Variants in RFTN1 observed in about 807,000 individuals in gnomAD.
RFTN1 encodes raftlin, lipid raft linker 1.
A neutral mutation model predicts 46.5 loss-of-function variants in RFTN1; 26 were observed. The ratio of observed to expected loss-of-function variants is 0.56; its 90% CI spans 0.41 to 0.78. The LOEUF is 0.78. Ranked by LOEUF, RFTN1 falls within the 30% of genes least tolerant of loss-of-function variation. The probability of loss-of-function intolerance (pLI) is 0.00; values close to 1 mark genes in which losing one functional copy is unlikely to be tolerated. For missense variants in RFTN1, 693 were observed against 718.7 expected, an observed-to-expected ratio of 0.96 and a Z score of 0.41; for synonymous variants, 261 against 284.2, an observed-to-expected ratio of 0.92 and a Z score of 0.82.
intron 4 of RFTN1, among the ~76,000 whole-genome samples, chr3:16,393,398 A>C (rs71310339): frequency 0.17 from 25,492 of 152,206 alleles, 2,407 homozygotes; most frequent in East Asian, 0.3. Flanking sequence ...TGCACATAAG[A>C]CAGAAAGTGA....
intron 6 of RFTN1, among the ~76,000 whole-genome samples, chr3:16,360,389 C>T (rs62233959): frequency 0.06 from 9,163 of 152,246 alleles, 333 homozygotes; most frequent in Middle Eastern, 0.12. Context: ...AGGCTAGTTT[C>T]GGACTGCTGG....
In RFTN1 at chr3:16,379,024, G is replaced by C. The variant is rs147308507; in HGVS notation, c.442-922C>G. Among the ~76,000 whole-genome samples, 63 of 152,302 alleles carry C rather than the reference G, an allele frequency of 4.1e-4. No individual in the cohort carries two copies. The East Asian group carries it at 0.012, about 28-fold the overall frequency. Reference sequence around the variant, plus strand: ...CCAAAGCCAGAAGGTAGCCTTTAGGGGACTTTCCAGGCAAGGATGCTTAAG... The same window carrying C: ...CCAAAGCCAGAAGGTAGCCTTTAGGCGACTTTCCAGGCAAGGATGCTTAAG... On this transcript the variant is annotated intron_variant, in intron 4 of 9. Coordinates refer to ENST00000334133, the MANE Select transcript of RFTN1 (RefSeq NM_015150.2).
At chr3:16,462,261 A>T (rs1482030052) in intron 2 of RFTN1, among the ~76,000 whole-genome samples, 1 of 152,246 alleles carries the variant, frequency 6.6e-6, no homozygotes, top group Non-Finnish European at 1.5e-5. Context: ...TGCACTTAGC[A>T]TGCTTCTTGG....
At chr3:16,357,148 AC>A (rs1401861335) in intron 7 of RFTN1, among the ~76,000 whole-genome samples, 41 of 150,888 alleles carry the variant, frequency 2.7e-4, no homozygotes, top group Admixed American at 5.3e-4. Flanking sequence ...AAACAAACAA[AC>A]AAACAAAAAA....
chr3:16,477,587 G>A (rs2076302541), intron 2 of RFTN1, among the ~76,000 whole-genome samples: 1 of 152,186 alleles, frequency 6.6e-6, no homozygotes. Context: ...ATGAATCAGG[G>A]ACATATGGGA....
chr3:16,478,773 G>A (rs1248238773), intron 2 of RFTN1, among the ~76,000 whole-genome samples: 1 of 152,184 alleles, frequency 6.6e-6, no homozygotes, highest in Non-Finnish European at 1.5e-5. Context: ...TGGGCTTAGG[G>A]CCCCAATTCC....
chr3:16,411,066 C>T (rs2125450483), intron 3 of RFTN1, among the ~76,000 whole-genome samples: 1 of 152,274 alleles, frequency 6.6e-6, no homozygotes, highest in South Asian at 2.1e-4. Flanking sequence ...GTCCAGGGCT[C>T]ATGTACACAG....
At chr3:16,386,019 A>G (rs1028984954) in intron 4 of RFTN1, among the ~76,000 whole-genome samples, 7 of 152,238 alleles carry the variant, frequency 4.6e-5, no homozygotes, top group African/African-American at 1.7e-4. Context: ...TGATAAATCA[A>G]ACTTCAAAAT....
chr3:16,323,136 T>TGC (rs1405152468), intron 9 of RFTN1, among the ~76,000 whole-genome samples: 1 of 152,086 alleles, frequency 6.6e-6, no homozygotes, highest in Non-Finnish European at 1.5e-5. Context: ...CAGAAGAGCC[T>TGC]CTCTCCTCCA....
At chr3:16,419,344 C>T (rs948609459) in intron 3 of RFTN1, among the ~76,000 whole-genome samples, 4 of 152,134 alleles carry the variant, frequency 2.6e-5, no homozygotes, top group African/African-American at 9.6e-5. Context: ...TCATGGGTGG[C>T]CTTAGAGAGA....
Position 16,351,268 on chromosome 3 carries a change from T to C in RFTN1, c.1146+6664A>G, listed in dbSNP as rs1016376451. 6.6e-6 allele frequency among the ~76,000 whole-genome samples: 1 copy of C among 152,184 alleles called. No homozygotes were observed. The highest frequency in any genetic ancestry group is 1.5e-5 in the Non-Finnish European group (1 of 68,032). ...CTGCAGCGCGCCAAGGACTGTGTCC[T>C]TGATCCAGTCTGTTTGCCATTGAGA... On this transcript the variant is annotated intron_variant, in intron 7 of 9. Coordinates refer to ENST00000334133, the MANE Select transcript of RFTN1 (RefSeq NM_015150.2). This position sits in a 1 kb window ranked among gnomAD's most constrained non-coding sequence, Gnocchi z 5.4.
intron 2 of RFTN1, among the ~76,000 whole-genome samples, chr3:16,438,001 C>T (rs1335824494): frequency 6.6e-6 from 1 of 151,860 alleles, no homozygotes; most frequent in Non-Finnish European, 1.5e-5. Context: ...AAGGCAACTG[C>T]ACGTTGTCAA....
intron 1 of RFTN1, among the ~76,000 whole-genome samples, chr3:16,508,833 TA>T (rs34035632): frequency 0.5 from 74,881 of 150,072 alleles, 18,815 homozygotes; most frequent in East Asian, 0.59. Flanking sequence ...AACTGAAGGG[TA>T]AAAAAAAAAC....
intron 2 of RFTN1, among the ~76,000 whole-genome samples, chr3:16,485,384 G>A (rs899836168): frequency 2.0e-5 from 3 of 152,040 alleles, no homozygotes; most frequent in African/African-American, 7.2e-5. Flanking sequence ...CAACAGCAAG[G>A]ACTCCATATA....
rs2075832315 is a variant in RFTN1 at position 16,452,236 on chromosome 3, G to GTTA, written c.146-18202_146-18200dup. Among the ~76,000 whole-genome samples the GTTA allele has an allele frequency of 6.6e-6, 1 of 151,958 alleles. No homozygotes were observed. Among genetic ancestry groups the GTTA allele is most frequent in the South Asian group, 2.1e-4 (1 of 4,818 alleles). Reference sequence around the variant, plus strand: ...ACTACTGTACAAACAGTGAATGAGAGTTATTCATAAGAAGCCAAAGATTCT... The same window carrying GTTA: ...ACTACTGTACAAACAGTGAATGAGAGTTATTATTCATAAGAAGCCAAAGATTCT... On this transcript the variant is annotated intron_variant, in intron 2 of 9. Transcript: ENST00000334133. This position sits in a 1 kb window ranked among gnomAD's most constrained non-coding sequence, Gnocchi z 6.3.
chr3:16,475,258 T>A lies in RFTN1; in HGVS notation c.145+18467A>T, dbSNP rs746617760. Among the ~76,000 whole-genome samples, 4 of 152,204 alleles carry A rather than the reference T, an allele frequency of 2.6e-5. No individual in the cohort carries two copies. The highest frequency in any genetic ancestry group is 4.4e-5 in the Non-Finnish European group (3 of 68,044). On this transcript the variant is annotated intron_variant, in intron 2 of 9. Transcript: ENST00000334133. The surrounding 1 kb of genome is among the most constrained non-coding windows in gnomAD (Gnocchi z 4.2). ...TCATAATCCAAATAAACTTTTTTTC[T>A]TTATAAATTGCCCAGTTTCAAGTAT...
rs753598420 is a variant in RFTN1, at chr3:16,361,286, T to C, written c.1031-3239A>G. Among the ~76,000 whole-genome samples the C allele has an allele frequency of 6.6e-6, 1 of 152,226 alleles. No individual in the cohort carries two copies. The highest frequency in any genetic ancestry group is 1.5e-5 in the Non-Finnish European group (1 of 68,042). ...CACTGAATAACCTTCCAGCCATTCA[T>C]TATGACACCTACTGGGAATCTATTA... On this transcript the variant is annotated intron_variant, in intron 6 of 9. Transcript: ENST00000334133. The surrounding 1 kb of genome is among the most constrained non-coding windows in gnomAD (Gnocchi z 4.3).
rs941481418 is a variant in RFTN1, at chr3:16,321,235, T to C, written c.1332+2141A>G. Among the ~76,000 whole-genome samples, 3 of 151,772 alleles carry C rather than the reference T, an allele frequency of 2.0e-5. No homozygotes were observed. Among genetic ancestry groups the C allele is most frequent in the Non-Finnish European group, 4.4e-5 (3 of 67,950 alleles). On this transcript the variant is annotated intron_variant, in intron 9 of 9. Coordinates refer to ENST00000334133, the MANE Select transcript of RFTN1 (RefSeq NM_015150.2). The surrounding 1 kb of genome is among the most constrained non-coding windows in gnomAD (Gnocchi z 4.8). ...ATGGAGCTGGAGTCTTGGGGTGCAG[T>C]GAGGGCTGAAAATGCAGGCGGAATG...
At chr3:16,377,057 G>C (rs1433850834) in intron 5 of RFTN1, among the ~76,000 whole-genome samples, 1 of 151,994 alleles carries the variant, frequency 6.6e-6, no homozygotes, top group African/African-American at 2.4e-5. Context: ...TAGATTTCCT[G>C]GAGAAAGGGG....
Sources: gnomAD v4.1 joint callset for allele counts (sites outside exome capture counted in the v4.1 genomes callset) on GRCh38, gnomAD v4.1.1 for gene constraint, Gnocchi (gnomAD v3.1) non-coding constraint, MANE v1.5 for transcripts, NCBI Gene and HGNC (gene_info 2026-07-23, HGNC 2026-07-21) for gene names.